The following CCNY variants were observed in gnomAD, a reference collection of about 807,000 sequenced individuals.
CCNY encodes the protein cyclin-Y.
CCNY carries 19 observed loss-of-function variants against 42.8 expected under a neutral mutation model. The ratio of observed to expected loss-of-function variants is 0.44; its 90% CI spans 0.31 to 0.65. CCNY has a LOEUF of 0.65. CCNY is among the 30% of genes least tolerant of loss of function. The pLI, the probability that CCNY is intolerant of heterozygous loss-of-function variation, is 0.07. For missense variants in CCNY, 370 were observed against 437.3 expected (o/e 0.85, Z 1.37); for synonymous variants, 165 against 162.7 (o/e 1.01, Z -0.11).
In CCNY at chr10:35,273,346, C is replaced by T. The variant is rs35023038; in HGVS notation, c.-9+22720C>T. ...CCTTCTGAGTAGCTGGGATTACAGG[C>T]GTGCACCACCATGCCCGGCTCATTT... On this transcript the variant is annotated intron_variant, in intron 3 of 11. Coordinates refer to the CCNY transcript ENST00000374706. Among the ~76,000 whole-genome samples, 1,354 of 152,094 alleles carry T rather than the reference C, an allele frequency of 8.9e-3. 13 individuals carry two copies. Among genetic ancestry groups the T allele is most frequent in the Non-Finnish European group, 0.016 (1,097 of 67,994 alleles).
intron 1 of CCNY, among the ~76,000 whole-genome samples, chr10:35,378,113 T>C (rs546572398): frequency 2.0e-5 from 3 of 152,384 alleles, no homozygotes; most frequent in East Asian, 3.9e-4. Flanking sequence ...TTTATTGATC[T>C]GTCTTATACT....
intron 4 of CCNY, among the ~76,000 whole-genome samples, chr10:35,520,982 G>A (rs1840534768): frequency 6.6e-6 from 1 of 152,198 alleles, no homozygotes; most frequent in Admixed American, 6.5e-5. Flanking sequence ...CCAGGGAACA[G>A]CTAATGCCCG....
intron 1 of CCNY, among the ~76,000 whole-genome samples, chr10:35,398,795 G>A (rs1837580667): frequency 6.6e-6 from 1 of 152,166 alleles, no homozygotes; most frequent in Non-Finnish European, 1.5e-5. Context: ...TAAAATCACT[G>A]AAAATATGCT....
At chr10:35,545,999 T>TA (rs1175771747) in intron 7 of CCNY, among the ~76,000 whole-genome samples, 1 of 152,208 alleles carries the variant, frequency 6.6e-6, no homozygotes, top group African/African-American at 2.4e-5. Context: ...TTTAGGTAGC[T>TA]ACCCCCATTC....
At chr10:35,386,858 G>A (rs182735073) in intron 1 of CCNY, among the ~76,000 whole-genome samples, 1 of 152,008 alleles carries the variant, frequency 6.6e-6, no homozygotes, top group Non-Finnish European at 1.5e-5. Context: ...TTTGTTGTTT[G>A]GTTTTTATGG....
At chr10:35,522,272 C>A (rs950675519) in intron 4 of CCNY, among the ~76,000 whole-genome samples, 24 of 152,212 alleles carry the variant, frequency 1.6e-4, no homozygotes, top group African/African-American at 4.8e-4. Flanking sequence ...TGAGCGTACT[C>A]CATGCCTGCT....
chr10:35,550,126 T>C (rs561594129), intron 7 of CCNY, among the ~76,000 whole-genome samples: 29 of 27,840 alleles, frequency 1.0e-3, no homozygotes, highest in East Asian at 1.5e-3. Context: ...CTACACTGCT[T>C]GTGACCCTGC....
chr10:35,448,095 C>T (rs1180327807), intron 1 of CCNY, among the ~76,000 whole-genome samples: 2 of 152,260 alleles, frequency 1.3e-5, no homozygotes, highest in East Asian at 1.9e-4. Flanking sequence ...TGGGAACCAG[C>T]GGCTCGCATT....
chr10:35,289,547 T>C (rs1835388411), intron 3 of CCNY: 1 of 152,216 alleles, frequency 6.6e-6, no homozygotes, highest in African/African-American at 2.4e-5. Flanking sequence ...TCTCAAAAGT[T>C]CCCTTCAATT....
chr10:35,248,542 A>T (rs1191930153), intron 2 of CCNY, among the ~76,000 whole-genome samples: 45 of 152,108 alleles, frequency 3.0e-4, no homozygotes, highest in Non-Finnish European at 5.9e-5. Context: ...CCTACTTGGG[A>T]CGCTGAGGCA....
intron 3 of CCNY, among the ~76,000 whole-genome samples, chr10:35,502,484 C>G (rs1342121076): frequency 6.6e-6 from 1 of 152,084 alleles, no homozygotes; most frequent in Non-Finnish European, 1.5e-5. Context: ...GGACAAAATG[C>G]AGTTGGGAAG....
intron 7 of CCNY, among the ~76,000 whole-genome samples, chr10:35,548,345 C>T (rs1589197630): frequency 6.7e-6 from 1 of 149,646 alleles, no homozygotes; most frequent in Non-Finnish European, 1.5e-5. Context: ...GTCACCCAGG[C>T]TGGAGTGCAG....
rs778419545 is a variant in CCNY at position 35,516,603 on chromosome 10, C to T, written c.345C>T (p.Asn115=). 3.0e-5 allele frequency: 48 copies of T among 1,604,218 alleles called. No individual in the cohort carries two copies. The highest frequency in any genetic ancestry group is 3.9e-5 in the Non-Finnish European group (46 of 1,173,136). Residue 115 remains asparagine, a synonymous_variant, in exon 4 of 10, where the codon AAC becomes AAT. Coordinates refer to ENST00000374704, the MANE Select transcript of CCNY (RefSeq NM_145012.6). The part of the protein sequence containing the change: ...FLDDSTVSQP[N]LKYTIKCVAL... Reference sequence around the variant, plus strand: ...ATGATAGCACAGTCAGTCAACCAAACCTCAAGTATACAATTAAATGGTGGG... The same window carrying T: ...ATGATAGCACAGTCAGTCAACCAAATCTCAAGTATACAATTAAATGGTGGG...
intron 1 of CCNY, among the ~76,000 whole-genome samples, chr10:35,462,922 C>G (rs1839186985): frequency 6.6e-6 from 1 of 152,226 alleles, no homozygotes. Flanking sequence ...TATTGTGTAT[C>G]AGCTACGTTA....
intron 3 of CCNY, among the ~76,000 whole-genome samples, chr10:35,268,071 T>C (rs145434241): frequency 6.6e-6 from 1 of 152,186 alleles, no homozygotes; most frequent in East Asian, 1.9e-4. Flanking sequence ...ATTATAAGCA[T>C]GCGCCACTAC....
intron 1 of CCNY, among the ~76,000 whole-genome samples, chr10:35,435,396 G>A (rs754804750): frequency 1.3e-5 from 2 of 152,224 alleles, no homozygotes; most frequent in Admixed American, 6.5e-5. Context: ...TAAGCCCAAT[G>A]TGTGGAATAA....
At position 35,566,312 on chromosome 10, in the gene CCNY, G is replaced by C. The variant is rs1018892122; in HGVS notation, c.909+127G>C. The C allele has an allele frequency of 8.4e-6, 8 of 958,002 alleles. No homozygotes were observed. The African/African-American group carries it at 1.3e-4, about 16-fold the overall frequency. The allele number at this position is 958,002 out of a possible 1,614,324, so 59.3% of individuals were successfully genotyped here. A position where few individuals can be genotyped will look rare whatever the true frequency, so the allele number is the denominator to read the frequency against. On this transcript the variant is annotated intron_variant, in intron 9 of 9. Coordinates refer to ENST00000374704, the MANE Select transcript of CCNY (RefSeq NM_145012.6). ...GATGTAAAATAAAGATGAGCTACTA[G>C]GATATATAGCTGGGCAGTTGATTAT...
intron 1 of CCNY, among the ~76,000 whole-genome samples, chr10:35,357,549 A>G (rs1158352234): frequency 6.6e-6 from 1 of 152,158 alleles, no homozygotes; most frequent in Non-Finnish European, 1.5e-5. Context: ...TTTCCTCTGG[A>G]TTAGATTCAG....
intron 1 of CCNY, among the ~76,000 whole-genome samples, chr10:35,403,441 G>T (rs563486061): frequency 6.6e-6 from 1 of 152,134 alleles, no homozygotes; most frequent in East Asian, 1.9e-4. Context: ...AAAACTGGCC[G>T]TGAGGGACAG....
Sources: allele counts gnomAD v4.1 joint callset (sites outside exome capture counted in the v4.1 genomes callset), GRCh38; gene constraint gnomAD v4.1.1; transcripts MANE v1.5; gene names NCBI Gene and HGNC (gene_info 2026-07-23, HGNC 2026-07-21).